The following DLGAP1 variants were observed in gnomAD, a reference collection of about 807,000 sequenced individuals.
The protein encoded by DLGAP1 is DLG associated protein 1.
Under a neutral mutation model 90.8 loss-of-function variants are expected in DLGAP1, and 11 were observed. That is an observed-to-expected ratio of 0.12 (90% confidence interval 0.08 to 0.20). DLGAP1 has a LOEUF of 0.20. Ranked by LOEUF, DLGAP1 falls within the 10% of genes least tolerant of loss-of-function variation. The pLI is 1.00. For missense variants in DLGAP1, 1,050 were observed against 1,333.8 expected (o/e 0.79, Z 3.31); for synonymous variants, 558 against 540.7 (o/e 1.03, Z -0.44).
At chr18:4,374,935 T>C (rs1210523707) in intron 1 of DLGAP1, among the ~76,000 whole-genome samples, 4 of 152,172 alleles carry the variant, frequency 2.6e-5, no homozygotes, top group South Asian at 2.1e-4. Flanking sequence ...GGACAAATTT[T>C]AACTATATTA....
chr18:4,276,717 C>G (rs2079425061), intron 1 of DLGAP1, among the ~76,000 whole-genome samples: 1 of 151,288 alleles, frequency 6.6e-6, no homozygotes, highest in African/African-American at 2.4e-5. Flanking sequence ...ATAATTCTAC[C>G]AATAGGTAAT....
At chr18:3,524,884 C>T (rs1014198492) in intron 10 of DLGAP1, among the ~76,000 whole-genome samples, 3 of 152,168 alleles carry the variant, frequency 2.0e-5, no homozygotes, top group Non-Finnish European at 4.4e-5. Context: ...ACTTGTGATC[C>T]GGAGCTGCCA....
chr18:4,314,691 T>A (rs760978485), intron 1 of DLGAP1, among the ~76,000 whole-genome samples: 3 of 152,158 alleles, frequency 2.0e-5, no homozygotes, highest in Non-Finnish European at 4.4e-5. Flanking sequence ...ACAATAAACA[T>A]TCCCCTAAAT....
intron 1 of DLGAP1, among the ~76,000 whole-genome samples, chr18:4,220,598 C>T (rs944219793): frequency 6.6e-6 from 1 of 152,064 alleles, no homozygotes; most frequent in African/African-American, 2.4e-5. Context: ...TTTTTCAAAA[C>T]GTTTCCATTT....
chr18:4,274,543 C>T (rs1476401136), intron 1 of DLGAP1, among the ~76,000 whole-genome samples: 1 of 152,144 alleles, frequency 6.6e-6, no homozygotes, highest in Non-Finnish European at 1.5e-5. Context: ...CAATTCTTCA[C>T]TGGAATCTGA....
Position 3,549,629 on chromosome 18 carries a change from C to T in DLGAP1, c.2058-15014G>A, listed in dbSNP as rs375414428. On this transcript the variant is annotated intron_variant, in intron 9 of 12. Transcript: ENST00000315677. Reference sequence around the variant, plus strand: ...CACAGGCGTGAGCCACCACCCCTGGCCTCTTTTTCTTACACACACACATAC... The same window carrying T: ...CACAGGCGTGAGCCACCACCCCTGGTCTCTTTTTCTTACACACACACATAC... Among the ~76,000 whole-genome samples, 8 of 152,288 alleles carry T rather than the reference C, an allele frequency of 5.3e-5. 2 individuals are homozygous for T. The highest frequency in any genetic ancestry group is 1.9e-4 in the East Asian group (1 of 5,174).
At chr18:4,255,991 A>T (rs957063024) in intron 1 of DLGAP1, among the ~76,000 whole-genome samples, 5 of 152,190 alleles carry the variant, frequency 3.3e-5, no homozygotes, top group African/African-American at 1.2e-4. Flanking sequence ...TGTAAGAACA[A>T]GGACTGAAGG....
chr18:3,821,440 T>TGA (rs2067409059), intron 4 of DLGAP1, among the ~76,000 whole-genome samples: 1 of 151,342 alleles, frequency 6.6e-6, no homozygotes, highest in African/African-American at 2.4e-5. Context: ...ACCAATAAAC[T>TGA]AAAAAAAAGA....
chr18:3,582,324 T>C (rs1270217395), intron 7 of DLGAP1, 76 bp from the exon 8 acceptor site: 12 of 1,542,794 alleles, frequency 7.8e-6, no homozygotes, highest in Middle Eastern at 1.9e-4. Context: ...TGACAGCCAT[T>C]GGGAATTAGG....
At chr18:4,370,505 C>T (rs1598301237) in intron 1 of DLGAP1, among the ~76,000 whole-genome samples, 2 of 152,110 alleles carry the variant, frequency 1.3e-5, no homozygotes, top group East Asian at 3.9e-4. Flanking sequence ...TCGACTTTTC[C>T]CCTAGTCCTC....
intron 4 of DLGAP1, among the ~76,000 whole-genome samples, chr18:3,841,975 G>C (rs1463793007): frequency 6.6e-6 from 1 of 152,068 alleles, no homozygotes; most frequent in Non-Finnish European, 1.5e-5. Context: ...GGAAATGATG[G>C]GTGCTATGAG....
intron 1 of DLGAP1, among the ~76,000 whole-genome samples, chr18:4,235,105 G>A (rs955728742): frequency 6.6e-6 from 1 of 151,834 alleles, no homozygotes; most frequent in African/African-American, 2.4e-5. Flanking sequence ...GTCTCTCTTC[G>A]AACACCCTAC....
In DLGAP1 at chr18:4,181,262, C is replaced by T. The variant is rs555275743; in HGVS notation, c.-266-29975G>A. Among the ~76,000 whole-genome samples, 8 of 152,240 alleles carry T rather than the reference C, an allele frequency of 5.3e-5. No homozygotes were observed. The Middle Eastern group carries it at 0.01, about 194-fold the overall frequency. ...ATGAACTCATTTCTTGGCAGAGTTA[C>T]ACTGGATGAGTTAAGATGTAACTGA... On this transcript the variant is annotated intron_variant, in intron 1 of 12. Transcript: ENST00000315677.
chr18:4,231,985 T>C (rs73376910), intron 1 of DLGAP1, among the ~76,000 whole-genome samples: 10,371 of 152,238 alleles, frequency 0.068, 514 homozygotes, highest in African/African-American at 0.13. Context: ...TACATAGTTG[T>C]TCAGTTCATG....
chr18:3,589,883 G>A (rs1423692564), intron 7 of DLGAP1, among the ~76,000 whole-genome samples: 1 of 152,150 alleles, frequency 6.6e-6, no homozygotes, highest in Non-Finnish European at 1.5e-5. Context: ...GTGATCAGCA[G>A]TTGTTCAACA....
At chr18:4,171,522 A>G (rs868012443) in intron 1 of DLGAP1, among the ~76,000 whole-genome samples, 55 of 151,378 alleles carry the variant, frequency 3.6e-4, no homozygotes, top group Non-Finnish European at 6.3e-4. Context: ...CCGAGATCGC[A>G]CCACTGCACT....
intron 1 of DLGAP1, among the ~76,000 whole-genome samples, chr18:4,255,324 A>T (rs2078866390): frequency 6.6e-6 from 1 of 152,110 alleles, no homozygotes; most frequent in African/African-American, 2.4e-5. Flanking sequence ...TCTTGTGTTT[A>T]TTCAACAGAA....
chr18:4,078,524 A>G (rs1014414660), intron 2 of DLGAP1, among the ~76,000 whole-genome samples: 2 of 152,218 alleles, frequency 1.3e-5, no homozygotes, highest in Non-Finnish European at 2.9e-5. Context: ...GAAAGAATCA[A>G]TGTGAAATTA....
chr18:4,058,276 C>G (rs878930625), intron 2 of DLGAP1, among the ~76,000 whole-genome samples: 2 of 152,194 alleles, frequency 1.3e-5, no homozygotes, highest in Admixed American at 1.3e-4. Context: ...AGACACACTC[C>G]CTGTTATTTG....
Sources: allele counts gnomAD v4.1 joint callset (sites outside exome capture counted in the v4.1 genomes callset), GRCh38; gene constraint gnomAD v4.1.1; transcripts MANE v1.5; gene names NCBI Gene and HGNC (gene_info 2026-07-23, HGNC 2026-07-21).